The following ADRA1D variants were observed in gnomAD, a reference collection of about 807,000 sequenced individuals.
ADRA1D encodes alpha-1D adrenergic receptor.
A neutral mutation model predicts 18.6 loss-of-function variants in ADRA1D; 22 were observed. The observed-to-expected ratio is 1.19, with a 90% CI of 0.85 to 1.69. ADRA1D has a LOEUF of 1.69. Ranked by LOEUF, ADRA1D falls within the 40% of genes most tolerant of loss-of-function variation. The pLI is 0.00. For missense variants in ADRA1D, 840 were observed against 840.7 expected, an observed-to-expected ratio of 1.00 and a Z score of 0.01; for synonymous variants, 376 against 388.2, an observed-to-expected ratio of 0.97 and a Z score of 0.37.
chr20:4,245,016 C>A (rs1415256025), intron 1 of ADRA1D, among the ~76,000 whole-genome samples: 1 of 152,174 alleles, frequency 6.6e-6, no homozygotes, highest in Non-Finnish European at 1.5e-5. Flanking sequence ...TGAGGCGCAG[C>A]AGAAATGTAA....
rs1600843011 is a variant in ADRA1D, at chr20:4,220,777, T to C, written c.*746A>G. 1 of 152,572 alleles carries C rather than the reference T, an allele frequency of 6.6e-6. No homozygotes were observed. The highest frequency in any genetic ancestry group is 1.5e-5 in the Non-Finnish European group (1 of 68,066). The allele number at this position is 152,572 out of a possible 1,614,324, so 9.5% of individuals were successfully genotyped here. On this transcript the variant is annotated 3_prime_UTR_variant, in exon 2 of 2. Coordinates refer to ENST00000379453, the MANE Select transcript of ADRA1D (RefSeq NM_000678.4). ...AAATAGAAGTACTCTTACCAATAAATATGTCTCAAAATGACAAATAAAGCT... is the reference window on the plus strand; with the variant it reads ...AAATAGAAGTACTCTTACCAATAAACATGTCTCAAAATGACAAATAAAGCT...
chr20:4,224,880 G>A (rs907653142), intron 1 of ADRA1D, among the ~76,000 whole-genome samples: 15 of 151,498 alleles, frequency 9.9e-5, no homozygotes, highest in Admixed American at 6.6e-4. Context: ...TACAGAGACA[G>A]TTTCTGGTGC....
Position 4,227,704 on chromosome 20 carries a change from C to CTTGCTTCCTTCCTTCCTTCCT in ADRA1D, c.1112-5575_1112-5574insAGGAAGGAAGGAAGGAAGCAA, listed in dbSNP as rs1555820747. On this transcript the variant is annotated intron_variant, in intron 1 of 1. Coordinates refer to ENST00000379453, the MANE Select transcript of ADRA1D (RefSeq NM_000678.4). ...CTTCCCTCTCTCCCTCCCTCCCTCC[C>CTTGCTTCCTTCCTTCCTTCCT]TCCTTCCTTCCTTCCTTCCTTCCTT... is the stretch of plus-strand genomic sequence containing the variant. 2.2e-5 allele frequency among the ~76,000 whole-genome samples: 2 copies of CTTGCTTCCTTCCTTCCTTCCT among 92,542 alleles called. 1 individual carries two copies. The highest frequency in any genetic ancestry group is 9.1e-5 in the African/African-American group (2 of 22,058). 60.7% of individuals were successfully genotyped at this position (92,542 alleles called of 152,430 possible). A position where few individuals can be genotyped will look rare whatever the true frequency, so the allele number is the denominator to read the frequency against.
At chr20:4,231,064 T>TTCTTTCTTTCTTTCTTTCTCTCTCTC (rs1491147056) in intron 1 of ADRA1D, among the ~76,000 whole-genome samples, 2 of 97,924 alleles carry the variant, frequency 2.0e-5, no homozygotes, top group Non-Finnish European at 3.9e-5. Context: ...CTTTCTTTCT[T>TTCTTTCTTTCTTTCTTTCTCTCTCTC]TCTCTCTCTC....
chr20:4,235,304 G>A (rs541325778), intron 1 of ADRA1D, among the ~76,000 whole-genome samples: 6 of 152,312 alleles, frequency 3.9e-5, no homozygotes, highest in African/African-American at 7.2e-5. Flanking sequence ...CTGCCTGGTG[G>A]AGCCCAAGTT....
chr20:4,247,752 G>A lies in ADRA1D; in HGVS notation c.1111+95C>T, dbSNP rs1178751730. The A allele has an allele frequency of 5.2e-6, 7 of 1,351,102 alleles. No homozygotes were observed. The Admixed American group carries it at 2.4e-4, about 46-fold the overall frequency. 83.7% of individuals were successfully genotyped at this position (1,351,102 alleles called of 1,614,324 possible). A position where few individuals can be genotyped will look rare whatever the true frequency, so the allele number is the denominator to read the frequency against. ...CAGGACTTGCTAAGTCAACCTTCTA[G>A]GTTCAGGTGGGGGTCGCCCAAGTCT... On this transcript the variant is annotated intron_variant, in intron 1 of 1. Coordinates refer to ENST00000379453, the MANE Select transcript of ADRA1D (RefSeq NM_000678.4).
chr20:4,232,427 G>A (rs376678063), intron 1 of ADRA1D, among the ~76,000 whole-genome samples: 126 of 152,288 alleles, frequency 8.3e-4, no homozygotes, highest in African/African-American at 2.8e-3. Flanking sequence ...ACACCAGGCC[G>A]TGTGGCATTT....
chr20:4,227,380 G>A (rs1046241084), intron 1 of ADRA1D, among the ~76,000 whole-genome samples: 3 of 152,014 alleles, frequency 2.0e-5, no homozygotes, highest in South Asian at 2.1e-4. Flanking sequence ...CCTCCCACCC[G>A]CAGCACATCA....
At position 4,222,099 on chromosome 20, in the gene ADRA1D, C is replaced by A. The variant is rs915249753; in HGVS notation, c.1143G>T (p.Glu381Asp). ...GCCAGAAGATGACCTTGAAGACGCC[C>A]TCCGATGGCTTCAGCTGCGGGAACA... ...GSLFPQLKPS[E>D]GVFKVIFWLG... The change falls in exon 2 of 2, where the codon GAG (glutamate) becomes GAT (aspartate). Residue 381 changes from glutamate to aspartate, a missense_variant. Coordinates refer to ENST00000379453, the MANE Select transcript of ADRA1D (RefSeq NM_000678.4). The surrounding 1 kb of genome is among the most constrained non-coding windows in gnomAD (Gnocchi z 4.3). 10 of 1,612,520 alleles carry A rather than the reference C, an allele frequency of 6.2e-6. No homozygotes were observed. Among genetic ancestry groups the A allele is most frequent in the Non-Finnish European group, 8.5e-6 (10 of 1,179,380 alleles).
chr20:4,233,575 C>A (rs1020316833), intron 1 of ADRA1D, among the ~76,000 whole-genome samples: 1 of 152,066 alleles, frequency 6.6e-6, no homozygotes, highest in Non-Finnish European at 1.5e-5. Flanking sequence ...TCAAGAAGAA[C>A]CCCTATCTCA....
At chr20:4,232,069 C>T (rs1247739139) in intron 1 of ADRA1D, among the ~76,000 whole-genome samples, 5 of 152,168 alleles carry the variant, frequency 3.3e-5, no homozygotes, top group East Asian at 1.9e-4. Context: ...CCCACAACCA[C>T]GCCTGGCTAA....
chr20:4,235,186 T>G (rs977203757), intron 1 of ADRA1D, among the ~76,000 whole-genome samples: 2 of 152,200 alleles, frequency 1.3e-5, no homozygotes, highest in African/African-American at 4.8e-5. Flanking sequence ...AGTCCTTCTG[T>G]GCCCTCGTGT....
chr20:4,235,814 C>T (rs1416077458), intron 1 of ADRA1D, among the ~76,000 whole-genome samples: 1 of 152,252 alleles, frequency 6.6e-6, no homozygotes, highest in African/African-American at 2.4e-5. Context: ...TACCCTCCAG[C>T]GTGCTCAGGG....
chr20:4,222,457 T>G lies in ADRA1D; in HGVS notation c.1112-327A>C. 1 of 208,744 alleles carries G rather than the reference T, an allele frequency of 4.8e-6. No homozygotes were observed. 12.9% of individuals were successfully genotyped at this position (208,744 alleles called of 1,614,324 possible). A position where few individuals can be genotyped will look rare whatever the true frequency, so the allele number is the denominator to read the frequency against. ...GGCAGTTTCGTATTATGAGACAAAG[T>G]AGCAAACATAGCCATGTTTGCTCAT... On this transcript the variant is annotated intron_variant, in intron 1 of 1. Transcript: ENST00000379453. This position sits in a 1 kb window ranked among gnomAD's most constrained non-coding sequence, Gnocchi z 4.3.
Position 4,247,886 on chromosome 20 carries a change from C to T in ADRA1D, c.1072G>A (p.Val358Met). 1.3e-6 allele frequency: 2 copies of T among 1,587,100 alleles called. No individual in the cohort carries two copies. Among genetic ancestry groups the T allele is most frequent in the Non-Finnish European group, 8.6e-7 (1 of 1,169,334 alleles). The change falls in exon 1 of 2, where the codon GTG (valine) becomes ATG (methionine). Residue 358 changes from valine to methionine, a missense_variant. By Grantham distance (21) the Val-to-Met change is conservative. Coordinates refer to ENST00000379453, the MANE Select transcript of ADRA1D (RefSeq NM_000678.4). ...KTLAIVVGVF[V>M]LCWFPFFFVL... ...AAGAAGAAAGGGAACCAGCAGAGCA[C>T]GAAGACACCCACGACGATGGCCAGA...
At chr20:4,227,916 CCTTT>C (rs1436676756) in intron 1 of ADRA1D, among the ~76,000 whole-genome samples, 1 of 145,582 alleles carries the variant, frequency 6.9e-6, no homozygotes, top group Non-Finnish European at 1.5e-5. Context: ...CCCTGCAGTG[CCTTT>C]CTAAGCGGCC....
chr20:4,233,344 C>T (rs1231673148), intron 1 of ADRA1D, among the ~76,000 whole-genome samples: 1 of 151,848 alleles, frequency 6.6e-6, no homozygotes, highest in African/African-American at 2.4e-5. Context: ...ACCTGTAGCC[C>T]CAGCTACTTG....
In ADRA1D at chr20:4,248,740, C is replaced by T. The variant is rs1216010248; in HGVS notation, c.218G>A (p.Gly73Glu). 2.6e-6 allele frequency: 4 copies of T among 1,530,914 alleles called. No individual in the cohort carries two copies. The highest frequency in any genetic ancestry group is 2.0e-5 in the Admixed American group (1 of 49,482). The allele number at this position is 1,530,914 out of a possible 1,614,324, so 94.8% of individuals were successfully genotyped here. A position where few individuals can be genotyped will look rare whatever the true frequency, so the allele number is the denominator to read the frequency against. ...CACGTCGCCGCCCGCGCCCGCGCTC[C>T]CCGGCTCCCCCGCGGAGCTCCGGTT... ...EDNRSSAGEP[G>E]SAGAGGDVNG... Residue 73 changes from glycine (G) to glutamate (E), a missense_variant, in exon 1 of 2, where the codon GGG becomes GAG. Gly to Glu is a moderately conservative substitution (Grantham distance 98). Transcript: ENST00000379453.
At chr20:4,231,078 C>T (rs1980953085) in intron 1 of ADRA1D, among the ~76,000 whole-genome samples, 1 of 83,730 alleles carries the variant, frequency 1.2e-5, no homozygotes, top group African/African-American at 5.5e-5. Context: ...CTCTCTCTCT[C>T]TCTCTTTTCT....
Sources: allele counts gnomAD v4.1 joint callset (sites outside exome capture counted in the v4.1 genomes callset), GRCh38; gene constraint gnomAD v4.1.1; non-coding constraint Gnocchi (gnomAD v3.1); transcripts MANE v1.5; gene names NCBI Gene and HGNC (gene_info 2026-07-23, HGNC 2026-07-21).